Variants in ADAMTS18 observed in about 807,000 individuals in gnomAD.
The protein encoded by ADAMTS18 is ADAM metallopeptidase with thrombospondin type 1 motif 18, also known as A disintegrin and metalloproteinase with thrombospondin motifs 18.
A neutral mutation model predicts 165.9 loss-of-function variants in ADAMTS18; 157 were observed. The ratio of observed to expected loss-of-function variants is 0.95; its 90% CI spans 0.83 to 1.08. ADAMTS18 has a LOEUF of 1.08. ADAMTS18 is among the 50% of genes least tolerant of loss of function. The pLI, the probability that ADAMTS18 is intolerant of heterozygous loss-of-function variation, is 0.00. For synonymous variants in ADAMTS18, 782 were observed against 578.2 expected, an observed-to-expected ratio of 1.35 and a Z score of -5.06; for missense variants, 2,040 against 1,534.0, an observed-to-expected ratio of 1.33 and a Z score of -5.51.
chr16:77,346,699 A>G (rs1231328173), intron 10 of ADAMTS18, among the ~76,000 whole-genome samples: 2 of 152,222 alleles, frequency 1.3e-5, no homozygotes, highest in African/African-American at 2.4e-5. Context: ...AAGCCCATGT[A>G]TGCCTGAGTT....
chr16:77,370,264 G>T (rs1297331893), intron 3 of ADAMTS18, among the ~76,000 whole-genome samples: 1 of 152,100 alleles, frequency 6.6e-6, no homozygotes, highest in East Asian at 1.9e-4. Context: ...GAAATAAAGG[G>T]CATTCAACTT....
intron 3 of ADAMTS18, among the ~76,000 whole-genome samples, chr16:77,389,215 G>A (rs555859149): frequency 3.9e-5 from 6 of 152,288 alleles, no homozygotes; most frequent in African/African-American, 7.2e-5. Flanking sequence ...TGAAGCAGGA[G>A]TATCACTTGA....
At chr16:77,348,882 A>T (rs1798399525) in intron 10 of ADAMTS18, among the ~76,000 whole-genome samples, 1 of 152,222 alleles carries the variant, frequency 6.6e-6, no homozygotes, top group South Asian at 2.1e-4. Flanking sequence ...CAACAATAAA[A>T]AAATGATTAA....
At chr16:77,365,484 T>C (rs1418040944) in intron 4 of ADAMTS18, among the ~76,000 whole-genome samples, 2 of 152,196 alleles carry the variant, frequency 1.3e-5, no homozygotes, top group Non-Finnish European at 2.9e-5. Context: ...GATGTGACAA[T>C]GACTTAGTTA....
intron 7 of ADAMTS18, 87 bp from the exon 8 acceptor site, chr16:77,359,510 CAGTTTT>C (rs149323838): frequency 0.023 from 25,955 of 1,110,292 alleles, 919 homozygotes; most frequent in African/African-American, 0.15. Flanking sequence ...ATGTTCTACA[CAGTTTT>C]AGTTTAATAG....
chr16:77,313,174 C>T (rs1334854202), intron 16 of ADAMTS18, among the ~76,000 whole-genome samples: 1 of 152,056 alleles, frequency 6.6e-6, no homozygotes, highest in Non-Finnish European at 1.5e-5. Context: ...AACCATCATT[C>T]TCAGCAAACT....
intron 3 of ADAMTS18, among the ~76,000 whole-genome samples, chr16:77,387,484 G>C (rs2057125508): frequency 1.3e-5 from 2 of 152,158 alleles, no homozygotes; most frequent in African/African-American, 4.8e-5. Flanking sequence ...CTACTCAAGA[G>C]TACACACACA....
At chr16:77,318,626 G>C (rs960714974) in intron 16 of ADAMTS18, among the ~76,000 whole-genome samples, 11 of 152,150 alleles carry the variant, frequency 7.2e-5, no homozygotes, top group African/African-American at 2.7e-4. Context: ...CACTGATCCT[G>C]TGTTTATTTG....
At chr16:77,378,551 C>A (rs13336195) in intron 3 of ADAMTS18, among the ~76,000 whole-genome samples, 36,852 of 151,298 alleles carry the variant, frequency 0.24, 5,113 homozygotes, top group East Asian at 0.57. Flanking sequence ...CCTGACTCCA[C>A]TGAAAATACA....
At chr16:77,308,092 A>G (rs1393387112) in intron 16 of ADAMTS18, among the ~76,000 whole-genome samples, 1 of 152,196 alleles carries the variant, frequency 6.6e-6, no homozygotes, top group Non-Finnish European at 1.5e-5. Context: ...TTTCAGCTTC[A>G]GGATTCTCCC....
chr16:77,384,641 C>A lies in ADAMTS18; in HGVS notation c.496-16918G>T, dbSNP rs202195424. 1.1e-4 allele frequency among the ~76,000 whole-genome samples: 17 copies of A among 152,252 alleles called. No individual in the cohort carries two copies. In the East Asian group the frequency reaches 3.3e-3, roughly 29 times the overall value. ...GTTATAGAAAACCCTGGCTAACACCCAACTTATGGGGCATTTCTACTGCCT... is the reference window on the plus strand; with the variant it reads ...GTTATAGAAAACCCTGGCTAACACCAAACTTATGGGGCATTTCTACTGCCT... On this transcript the variant is annotated intron_variant, in intron 3 of 22. Transcript: ENST00000282849.
chr16:77,433,162 T>G (rs2057758843), intron 2 of ADAMTS18, among the ~76,000 whole-genome samples: 1 of 152,228 alleles, frequency 6.6e-6, no homozygotes, highest in South Asian at 2.1e-4. Flanking sequence ...TTAGAGAAAG[T>G]CTACCTTCTC....
At chr16:77,431,091 T>C (rs1465255862) in intron 3 of ADAMTS18, among the ~76,000 whole-genome samples, 1 of 152,244 alleles carries the variant, frequency 6.6e-6, no homozygotes, top group Non-Finnish European at 1.5e-5. Flanking sequence ...CAAAAGATTG[T>C]TCTAAATGGT....
rs565798126 is a variant in ADAMTS18 at position 77,321,399 on chromosome 16, G to C, written c.2164-197C>G. ...CTGACATTATTAGATGACTGAGCAAGTTGTATAACTCATCTAAGGCTTAGA... is the reference window on the plus strand; with the variant it reads ...CTGACATTATTAGATGACTGAGCAACTTGTATAACTCATCTAAGGCTTAGA... On this transcript the variant is annotated intron_variant, in intron 14 of 22. Transcript: ENST00000282849. Among the ~76,000 whole-genome samples the C allele has an allele frequency of 5.1e-4, 78 of 152,268 alleles. No individual in the cohort carries two copies. In the South Asian group the frequency reaches 0.016, roughly 30 times the overall value.
intron 3 of ADAMTS18, among the ~76,000 whole-genome samples, chr16:77,399,156 A>G (rs2057295548): frequency 6.6e-6 from 1 of 152,190 alleles, no homozygotes; most frequent in Non-Finnish European, 1.5e-5. Flanking sequence ...CACTTTACTC[A>G]GGCTTAGAGA....
intron 3 of ADAMTS18, among the ~76,000 whole-genome samples, chr16:77,417,612 T>C (rs2057547511): frequency 6.6e-6 from 1 of 152,318 alleles, no homozygotes; most frequent in Non-Finnish European, 1.5e-5. Flanking sequence ...GCAAAAGAGC[T>C]CTTTGCCTCT....
At chr16:77,412,990 C>G (rs540796408) in intron 3 of ADAMTS18, among the ~76,000 whole-genome samples, 1 of 152,080 alleles carries the variant, frequency 6.6e-6, no homozygotes, top group Non-Finnish European at 1.5e-5. Context: ...AGACACCATG[C>G]CTGGCCCTTA....
intron 10 of ADAMTS18, among the ~76,000 whole-genome samples, chr16:77,352,231 T>C (rs775928265): frequency 4.6e-5 from 7 of 152,206 alleles, no homozygotes; most frequent in African/African-American, 1.7e-4. Flanking sequence ...ACTGGAGTTA[T>C]GTTTTGAATG....
chr16:77,389,686 G>A (rs1218737261), intron 3 of ADAMTS18, among the ~76,000 whole-genome samples: 1 of 152,170 alleles, frequency 6.6e-6, no homozygotes, highest in Non-Finnish European at 1.5e-5. Flanking sequence ...TCTTAGAAGA[G>A]GTGAATCTTT....
Sources: allele counts gnomAD v4.1 joint callset (sites outside exome capture counted in the v4.1 genomes callset), GRCh38; gene constraint gnomAD v4.1.1; transcripts MANE v1.5; gene names NCBI Gene and HGNC (gene_info 2026-07-23, HGNC 2026-07-21).